CCDC149: variants seen among roughly 807,000 people sequenced by gnomAD.
CCDC149 encodes coiled-coil domain containing 149.
CCDC149 carries 45 observed loss-of-function variants against 59.9 expected under a neutral mutation model. The ratio of observed to expected loss-of-function variants is 0.75; its 90% CI spans 0.59 to 0.96. The LOEUF is 0.96. Among genes scored for constraint, CCDC149 ranks in the 40% least tolerant of loss-of-function variants. CCDC149 has a pLI of 0.00. For synonymous variants in CCDC149, 245 were observed against 260.6 expected (o/e 0.94, Z 0.58); for missense variants, 584 against 664.7 (o/e 0.88, Z 1.33).
At chr4:24,834,849 G>T in intron 8 of CCDC149, 99 bp downstream of exon 8, 1 of 849,566 alleles carries the variant, frequency 1.2e-6, no homozygotes, top group Non-Finnish European at 1.8e-6. Flanking sequence ...GATCGCCTCA[G>T]TTCCCAGACC....
intron 1 of CCDC149, among the ~76,000 whole-genome samples, chr4:24,979,909 A>G (rs560234953): frequency 6.6e-6 from 1 of 152,342 alleles, no homozygotes; most frequent in East Asian, 1.9e-4. Flanking sequence ...TTGTTGTGGA[A>G]GCAAAATCGG....
intron 1 of CCDC149, among the ~76,000 whole-genome samples, chr4:24,953,896 C>G (rs971170304): frequency 3.3e-5 from 5 of 151,578 alleles, no homozygotes; most frequent in Non-Finnish European, 7.4e-5. Flanking sequence ...ATAACTGAAA[C>G]AAAAGGCTCA....
chr4:24,903,888 C>T (rs934282158), intron 1 of CCDC149, among the ~76,000 whole-genome samples: 2 of 151,586 alleles, frequency 1.3e-5, no homozygotes, highest in African/African-American at 4.8e-5. Context: ...GCAACCTCTG[C>T]CTCCTGGGTT....
At chr4:24,838,478 T>C (rs1277097250) in intron 4 of CCDC149, among the ~76,000 whole-genome samples, 2 of 152,146 alleles carry the variant, frequency 1.3e-5, no homozygotes, top group African/African-American at 4.8e-5. Context: ...CACACACTGT[T>C]TAAGGCCTGG....
chr4:24,939,989 G>A (rs1722906923), intron 1 of CCDC149, among the ~76,000 whole-genome samples: 2 of 152,224 alleles, frequency 1.3e-5, no homozygotes, highest in African/African-American at 4.8e-5. Flanking sequence ...TTATCCAGGA[G>A]AACTTCCCCA....
rs71187200 is a variant in CCDC149, at chr4:24,931,310, A to AATATATATATATATATATATAT, written c.-64-36214_-64-36193dup. 3.2e-3 allele frequency among the ~76,000 whole-genome samples: 436 copies of AATATATATATATATATATATAT among 138,130 alleles called. 2 individuals carry two copies. Among genetic ancestry groups the AATATATATATATATATATATAT allele is most frequent in the African/African-American group, 5.3e-3 (187 of 35,172 alleles). The allele number at this position is 138,130 out of a possible 152,430, so 90.6% of individuals were successfully genotyped here. A position where few individuals can be genotyped will look rare whatever the true frequency, so the allele number is the denominator to read the frequency against. On this transcript the variant is annotated intron_variant, in intron 1 of 12. Coordinates refer to the CCDC149 transcript ENST00000389609. The stretch of plus-strand genomic sequence containing the variant: ...ATTTATATATGTTTATTTATTTTAA[A>AATATATATATATATATATATAT]ATATATATATATATATATATATCTC...
intron 4 of CCDC149, among the ~76,000 whole-genome samples, chr4:24,841,390 C>CATAT: frequency 6.6e-6 from 1 of 152,282 alleles, no homozygotes; most frequent in Middle Eastern, 3.4e-3. Flanking sequence ...GTCTGACAGC[C>CATAT]ATATAAGAGT....
chr4:24,860,176 C>G (rs763478925), intron 3 of CCDC149, among the ~76,000 whole-genome samples: 4 of 152,158 alleles, frequency 2.6e-5, no homozygotes, highest in East Asian at 1.9e-4. Context: ...AGGCATCACA[C>G]TACCTGACTT....
At chr4:24,970,954 G>A (rs1723951224) in intron 1 of CCDC149, among the ~76,000 whole-genome samples, 1 of 152,172 alleles carries the variant, frequency 6.6e-6, no homozygotes, top group Non-Finnish European at 1.5e-5. Context: ...ACACCCGAGT[G>A]GCCCTCATCC....
chr4:24,839,226 C>T (rs1008392087), intron 4 of CCDC149, among the ~76,000 whole-genome samples: 1 of 151,562 alleles, frequency 6.6e-6, no homozygotes, highest in Non-Finnish European at 1.5e-5. Flanking sequence ...GTCGCCCAGG[C>T]TGGAGTGCAG....
intron 1 of CCDC149, among the ~76,000 whole-genome samples, chr4:24,944,724 A>G (rs1487270537): frequency 6.6e-6 from 1 of 152,224 alleles, no homozygotes; most frequent in African/African-American, 2.4e-5. Context: ...ACAAACCTGC[A>G]CGTTCAGCAC....
intron 1 of CCDC149, among the ~76,000 whole-genome samples, chr4:24,975,602 G>C (rs1724151387): frequency 1.3e-5 from 2 of 150,640 alleles, no homozygotes; most frequent in Non-Finnish European, 3.0e-5. Context: ...GGAGGAGAGA[G>C]GAAGCATACG....
intron 3 of CCDC149, among the ~76,000 whole-genome samples, chr4:24,862,206 G>C (rs888407782): frequency 6.6e-6 from 1 of 152,212 alleles, no homozygotes; most frequent in African/African-American, 2.4e-5. Flanking sequence ...AATACCTGCT[G>C]TGGCTAGGCA....
intron 2 of CCDC149, among the ~76,000 whole-genome samples, chr4:24,875,563 G>A (rs1187909176): frequency 2.7e-5 from 4 of 149,484 alleles, no homozygotes; most frequent in African/African-American, 9.9e-5. Flanking sequence ...TCAAACTCCT[G>A]GGCTCAAGCA....
At chr4:24,823,252 T>A (rs554550681) in intron 9 of CCDC149, among the ~76,000 whole-genome samples, 1 of 152,364 alleles carries the variant, frequency 6.6e-6, no homozygotes, top group South Asian at 2.1e-4. Flanking sequence ...AATAATTACA[T>A]TGTTCTCCAA....
intron 1 of CCDC149, among the ~76,000 whole-genome samples, chr4:24,880,411 T>G (rs1553855406): frequency 6.6e-6 from 1 of 152,316 alleles, no homozygotes; most frequent in African/African-American, 2.4e-5. Flanking sequence ...AACCCCGTCA[T>G]TAAGTGACAC....
intron 1 of CCDC149, among the ~76,000 whole-genome samples, chr4:24,933,884 C>T (rs1023672417): frequency 1.2e-4 from 19 of 152,158 alleles, no homozygotes; most frequent in African/African-American, 4.6e-4. Flanking sequence ...GGTTCTTCTG[C>T]TCCATGTGAC....
At chr4:24,805,021 G>A (rs1714082874), downstream of CCDC149, among the ~76,000 whole-genome samples, 1 of 152,144 alleles carries the variant, frequency 6.6e-6, no homozygotes, top group Non-Finnish European at 1.5e-5. Flanking sequence ...GAGAAGGTGT[G>A]GAAGGAGGAA....
At chr4:24,848,743 C>A (rs2109172558) in intron 4 of CCDC149, among the ~76,000 whole-genome samples, 1 of 152,192 alleles carries the variant, frequency 6.6e-6, no homozygotes, top group South Asian at 2.1e-4. Context: ...TTGCTAAGAT[C>A]TGCAATAAGA....
Sources: allele counts gnomAD v4.1 joint callset (sites outside exome capture counted in the v4.1 genomes callset), GRCh38; gene constraint gnomAD v4.1.1; transcripts MANE v1.5; gene names NCBI Gene and HGNC (gene_info 2026-07-23, HGNC 2026-07-21).